SND1: variants seen among roughly 807,000 people sequenced by gnomAD.
The protein encoded by SND1 is staphylococcal nuclease domain-containing protein 1.
A neutral mutation model predicts 121.7 loss-of-function variants in SND1; 38 were observed. That is an observed-to-expected ratio of 0.31 (90% confidence interval 0.24 to 0.41). SND1 has a LOEUF of 0.41. Among genes scored for constraint, SND1 ranks in the 10% least tolerant of loss-of-function variants. SND1 has a pLI of 1.00. For missense variants in SND1, 868 were observed against 1,184.6 expected (o/e 0.73, Z 3.92); for synonymous variants, 401 against 447.4 (o/e 0.90, Z 1.31).
chr7:127,850,687 C>T (rs1333029740), intron 12 of SND1, among the ~76,000 whole-genome samples: 2 of 152,166 alleles, frequency 1.3e-5, no homozygotes, highest in African/African-American at 4.8e-5. Flanking sequence ...AACCTTCCGC[C>T]TTCCCAAAAA....
intron 14 of SND1, among the ~76,000 whole-genome samples, chr7:127,905,631 C>T (rs950436612): frequency 1.3e-5 from 2 of 151,982 alleles, no homozygotes; most frequent in Non-Finnish European, 2.9e-5. Context: ...TAAAACTGGC[C>T]GAGGGGATAG....
intron 3 of SND1, among the ~76,000 whole-genome samples, chr7:127,695,729 G>A (rs928264061): frequency 6.6e-6 from 1 of 152,174 alleles, no homozygotes; most frequent in Admixed American, 6.5e-5. Flanking sequence ...GGGAGGCTGA[G>A]GTGGGAGAAT....
chr7:127,947,056 C>T (rs1193253427), intron 15 of SND1, among the ~76,000 whole-genome samples: 4 of 152,130 alleles, frequency 2.6e-5, no homozygotes, highest in African/African-American at 2.4e-5. Context: ...GCTTAAAAGG[C>T]GACTCATGGC....
intron 12 of SND1, among the ~76,000 whole-genome samples, chr7:127,877,489 A>T (rs1381552806): frequency 6.6e-6 from 1 of 152,140 alleles, no homozygotes; most frequent in East Asian, 1.9e-4. Flanking sequence ...GTAGGAAGGG[A>T]ATAAGTAGAA....
chr7:127,853,968 C>T (rs912095369), intron 12 of SND1, among the ~76,000 whole-genome samples: 9 of 152,074 alleles, frequency 5.9e-5, no homozygotes, highest in Admixed American at 2.0e-4. Context: ...TTGATAAAGG[C>T]CCTTGGAGTG....
intron 14 of SND1, among the ~76,000 whole-genome samples, chr7:127,910,137 G>A (rs570033547): frequency 6.6e-6 from 1 of 152,096 alleles, no homozygotes; most frequent in South Asian, 2.1e-4. Flanking sequence ...TACTCTTTTT[G>A]GCTAAAGAGA....
chr7:128,092,097 A>G lies in SND1; in HGVS notation c.*39A>G. 1 of 1,603,990 alleles carries G rather than the reference A, an allele frequency of 6.2e-7. No individual in the cohort carries two copies. Among genetic ancestry groups the G allele is most frequent in the Non-Finnish European group, 8.5e-7 (1 of 1,171,030 alleles). ...TTTGGCCCCCAGCCCCGCTCACGCC[A>G]GTCCCTCTTCCTCTGCCGGGAGGGT... On this transcript the variant is annotated 3_prime_UTR_variant, in exon 24 of 24. Coordinates refer to ENST00000354725, the MANE Select transcript of SND1 (RefSeq NM_014390.4). The surrounding 1 kb of genome is among the most constrained non-coding windows in gnomAD (Gnocchi z 4.9).
chr7:128,051,645 G>A (rs1383683788), intron 16 of SND1, among the ~76,000 whole-genome samples: 1 of 152,154 alleles, frequency 6.6e-6, no homozygotes. Flanking sequence ...AAATGGAGGG[G>A]CATTCCTAGG....
At chr7:128,041,440 T>C (rs1197400013) in intron 16 of SND1, among the ~76,000 whole-genome samples, 1 of 152,160 alleles carries the variant, frequency 6.6e-6, no homozygotes, top group Non-Finnish European at 1.5e-5. Flanking sequence ...GTTCCTTTTT[T>C]ATTATGACTT....
intron 15 of SND1, among the ~76,000 whole-genome samples, chr7:127,982,528 A>G (rs1802289731): frequency 6.6e-6 from 1 of 152,174 alleles, no homozygotes; most frequent in Admixed American, 6.5e-5. Flanking sequence ...ACAAGATCCT[A>G]CCTCCCCTGA....
At chr7:128,008,638 C>T (rs1262241780) in intron 16 of SND1, among the ~76,000 whole-genome samples, 1 of 152,134 alleles carries the variant, frequency 6.6e-6, no homozygotes, top group Non-Finnish European at 1.5e-5. Flanking sequence ...CCATGAGTGC[C>T]ATCCCTTTCC....
At chr7:128,031,221 T>C (rs1792588804) in intron 16 of SND1, among the ~76,000 whole-genome samples, 1 of 151,010 alleles carries the variant, frequency 6.6e-6, no homozygotes, top group South Asian at 2.1e-4. Context: ...CACCAGCGCT[T>C]CCCGGCTTTG....
At chr7:127,998,776 C>T (rs1802741419) in intron 16 of SND1, 1 of 152,202 alleles carries the variant, frequency 6.6e-6, no homozygotes, top group Admixed American at 6.5e-5. Context: ...TGCCCCATTG[C>T]CTTTCTTCCC....
At chr7:128,028,491 T>C in intron 16 of SND1, 1 of 518,638 alleles carries the variant, frequency 1.9e-6, no homozygotes. Context: ...TAAATAGAAC[T>C]TACAAGTTAG....
chr7:127,716,498 T>G (rs1796392733), intron 9 of SND1, among the ~76,000 whole-genome samples: 1 of 152,026 alleles, frequency 6.6e-6, no homozygotes, highest in South Asian at 2.1e-4. Context: ...TTAGGTTTTT[T>G]TTTTTTTGGA....
At chr7:127,768,351 G>A (rs1182748137) in intron 10 of SND1, among the ~76,000 whole-genome samples, 1 of 152,212 alleles carries the variant, frequency 6.6e-6, no homozygotes, top group African/African-American at 2.4e-5. Flanking sequence ...AGGGATTAGA[G>A]TGGCAAATAC....
chr7:127,821,238 G>GT (rs1302807990), intron 11 of SND1, among the ~76,000 whole-genome samples: 1 of 152,238 alleles, frequency 6.6e-6, no homozygotes, highest in Non-Finnish European at 1.5e-5. Flanking sequence ...GCCAGTGTAT[G>GT]TGTGTCCTTG....
chr7:127,778,398 C>T (rs1797660381), intron 10 of SND1, among the ~76,000 whole-genome samples: 2 of 152,080 alleles, frequency 1.3e-5, no homozygotes, highest in African/African-American at 4.8e-5. Context: ...AGGGTTTCAC[C>T]ATTTTGGCCA....
chr7:128,029,131 C>A lies in SND1; in HGVS notation c.1779+38075C>A, dbSNP rs758579040. Reference sequence around the variant, plus strand: ...GTGGTGTCTGTCGCGGGTACTGCCACCTGCTTGGGCACACGGGTAGTCTGA... The same window carrying A: ...GTGGTGTCTGTCGCGGGTACTGCCAACTGCTTGGGCACACGGGTAGTCTGA... On this transcript the variant is annotated intron_variant, in intron 16 of 23. Coordinates refer to ENST00000354725, the MANE Select transcript of SND1 (RefSeq NM_014390.4). This position sits in a 1 kb window ranked among gnomAD's most constrained non-coding sequence, Gnocchi z 4.2. 2 of 1,614,138 alleles carry A rather than the reference C, an allele frequency of 1.2e-6. No individual in the cohort carries two copies. The highest frequency in any genetic ancestry group is 1.7e-6 in the Non-Finnish European group (2 of 1,180,040).
Sources: allele counts gnomAD v4.1 joint callset (sites outside exome capture counted in the v4.1 genomes callset), GRCh38; gene constraint gnomAD v4.1.1; non-coding constraint Gnocchi (gnomAD v3.1); transcripts MANE v1.5; gene names NCBI Gene and HGNC (gene_info 2026-07-23, HGNC 2026-07-21).